DPP10: variants seen among roughly 807,000 people sequenced by gnomAD.
DPP10 encodes the protein inactive dipeptidyl peptidase 10.
In DPP10, 33 loss-of-function variants were observed where a neutral mutation model predicts 120.9. That is an observed-to-expected ratio of 0.27 (90% CI 0.21 to 0.37). DPP10 has a LOEUF of 0.37. DPP10 is among the 10% of genes least tolerant of loss of function. The probability of loss-of-function intolerance (pLI) is 1.00; values close to 1 mark genes in which losing one functional copy is unlikely to be tolerated. For missense variants in DPP10, 816 were observed against 942.8 expected (o/e 0.87, Z 1.76); for synonymous variants, 337 against 326.1 (o/e 1.03, Z -0.36).
chr2:115,736,192 G>A (rs78029871), intron 8 of DPP10, among the ~76,000 whole-genome samples: 1 of 152,094 alleles, frequency 6.6e-6, no homozygotes, highest in Admixed American at 6.5e-5. Context: ...AGCAAATTGT[G>A]TTCTGTGGGT....
intron 1 of DPP10, among the ~76,000 whole-genome samples, chr2:115,022,157 T>TAGCAATCAGACA (rs1364044448): frequency 6.6e-6 from 1 of 152,106 alleles, no homozygotes; most frequent in Non-Finnish European, 1.5e-5. Flanking sequence ...CTGGCAGTCC[T>TAGCAATCAGACA]AGCCAGAGCA....
At chr2:114,462,586 A>G (rs1490812957) in intron 1 of DPP10, among the ~76,000 whole-genome samples, 1 of 152,146 alleles carries the variant, frequency 6.6e-6, no homozygotes, top group African/African-American at 2.4e-5. Flanking sequence ...GGGATATACT[A>G]TTCAATTCAT....
At chr2:114,495,132 A>G (rs1361449530) in intron 1 of DPP10, among the ~76,000 whole-genome samples, 1 of 152,176 alleles carries the variant, frequency 6.6e-6, no homozygotes, top group Non-Finnish European at 1.5e-5. Context: ...AGTAAAAAAA[A>G]TGTGAACGTT....
intron 1 of DPP10, among the ~76,000 whole-genome samples, chr2:114,507,446 C>T (rs1024844775): frequency 9.9e-5 from 15 of 152,140 alleles, no homozygotes; most frequent in Admixed American, 2.6e-4. Context: ...GTGATACGTA[C>T]GTGGTTATAG....
chr2:115,667,282 C>G (rs911401916), intron 5 of DPP10, among the ~76,000 whole-genome samples: 1 of 152,042 alleles, frequency 6.6e-6, no homozygotes, highest in Non-Finnish European at 1.5e-5. Flanking sequence ...ATTATAAATA[C>G]TTTCTCCAGT....
chr2:115,066,796 A>G (rs1006708093), intron 1 of DPP10: 8 of 152,202 alleles, frequency 5.3e-5, no homozygotes, highest in Admixed American at 2.0e-4. Flanking sequence ...GTATAATTAA[A>G]AAATAAAAAT....
At chr2:115,159,540 A>G (rs1160645178) in intron 1 of DPP10, among the ~76,000 whole-genome samples, 1 of 152,150 alleles carries the variant, frequency 6.6e-6, no homozygotes, top group Non-Finnish European at 1.5e-5. Flanking sequence ...ATTCAAGTGC[A>G]ATACATTAAA....
At chr2:114,664,232 C>G (rs2105578715) in intron 1 of DPP10, among the ~76,000 whole-genome samples, 2 of 152,000 alleles carry the variant, frequency 1.3e-5, no homozygotes, top group Admixed American at 1.3e-4. Flanking sequence ...CCTTTCCCTT[C>G]TTCTCACTGA....
chr2:115,279,592 T>G (rs2060059560), intron 1 of DPP10, among the ~76,000 whole-genome samples: 1 of 151,720 alleles, frequency 6.6e-6, no homozygotes, highest in Admixed American at 6.6e-5. Flanking sequence ...ACCAGAATTT[T>G]GGGTAGCATT....
At chr2:115,276,350 A>G (rs2059921970) in intron 1 of DPP10, among the ~76,000 whole-genome samples, 1 of 152,160 alleles carries the variant, frequency 6.6e-6, no homozygotes, top group Admixed American at 6.5e-5. Context: ...AAAGGCCAGA[A>G]TATACTCTCT....
intron 1 of DPP10, among the ~76,000 whole-genome samples, chr2:115,011,476 C>T (rs754818073): frequency 2.0e-5 from 3 of 152,112 alleles, no homozygotes; most frequent in Non-Finnish European, 4.4e-5. Context: ...AGCATTTATC[C>T]TTCTGATAAA....
intron 1 of DPP10, among the ~76,000 whole-genome samples, chr2:114,455,156 T>TTTTTTGTGTGTGTG (rs1553443770): frequency 4.7e-5 from 7 of 147,392 alleles, no homozygotes; most frequent in African/African-American, 1.8e-4. Flanking sequence ...TTTCTTTCTA[T>TTTTTTGTGTGTGTG]TGTGTGTGTG....
chr2:115,174,198 G>A (rs1306272896), intron 1 of DPP10, among the ~76,000 whole-genome samples: 1 of 152,184 alleles, frequency 6.6e-6, no homozygotes, highest in Non-Finnish European at 1.5e-5. Flanking sequence ...TCCTGATGAA[G>A]TAGAAGAGAG....
At chr2:115,720,019 T>C (rs1210047024) in intron 7 of DPP10, among the ~76,000 whole-genome samples, 1 of 152,190 alleles carries the variant, frequency 6.6e-6, no homozygotes, top group African/African-American at 2.4e-5. Flanking sequence ...CAGAAATCTA[T>C]CTATCTACCC....
chr2:115,504,468 C>G (rs1457582362), intron 4 of DPP10, among the ~76,000 whole-genome samples: 1 of 151,872 alleles, frequency 6.6e-6, no homozygotes, highest in Non-Finnish European at 1.5e-5. Context: ...TTTCCTGTTG[C>G]TAGATACCTT....
intron 1 of DPP10, among the ~76,000 whole-genome samples, chr2:115,280,609 T>G (rs888818872): frequency 2.0e-5 from 3 of 152,216 alleles, no homozygotes; most frequent in Admixed American, 6.5e-5. Flanking sequence ...TGTTGTTATA[T>G]TTTTCACACA....
intron 1 of DPP10, among the ~76,000 whole-genome samples, chr2:114,788,457 C>A (rs1464681123): frequency 6.6e-6 from 1 of 150,698 alleles, no homozygotes; most frequent in Non-Finnish European, 1.5e-5. Flanking sequence ...CACTCTGTCA[C>A]CAGGCTGGAG....
intron 1 of DPP10, among the ~76,000 whole-genome samples, chr2:115,132,308 A>C (rs1041616610): frequency 2.0e-5 from 3 of 152,070 alleles, no homozygotes; most frequent in Non-Finnish European, 4.4e-5. Flanking sequence ...TCTTTTGGGA[A>C]CTTGAAAGTT....
At chr2:115,713,804 A>C (rs1454475818) in intron 7 of DPP10, among the ~76,000 whole-genome samples, 1 of 152,060 alleles carries the variant, frequency 6.6e-6, no homozygotes, top group East Asian at 1.9e-4. Context: ...CAGGAATTTC[A>C]AGTCTCTTCA....
Sources: gnomAD v4.1 joint callset for allele counts (sites outside exome capture counted in the v4.1 genomes callset) on GRCh38, gnomAD v4.1.1 for gene constraint, MANE v1.5 for transcripts, NCBI Gene and HGNC (gene_info 2026-07-23, HGNC 2026-07-21) for gene names.